The following CACNA2D3 variants were observed in gnomAD, a reference collection of about 807,000 sequenced individuals.
The protein encoded by CACNA2D3 is voltage-dependent calcium channel subunit alpha-2/delta-3.
CACNA2D3 carries 60 observed loss-of-function variants against 160.6 expected under a neutral mutation model. The observed-to-expected ratio is 0.37, with a 90% confidence interval of 0.30 to 0.46. The LOEUF (loss-of-function observed/expected upper bound fraction) is 0.46, where lower values mean the gene tolerates loss of function less well. CACNA2D3 is among the 20% of genes least tolerant of loss of function. The pLI is 1.00. For missense variants in CACNA2D3, 1,205 were observed against 1,365.0 expected (o/e 0.88, Z 1.85); for synonymous variants, 558 against 492.9 (o/e 1.13, Z -1.75).
At chr3:54,782,908 A>T (rs1702561809) in intron 13 of CACNA2D3, among the ~76,000 whole-genome samples, 1 of 152,154 alleles carries the variant, frequency 6.6e-6, no homozygotes, top group African/African-American at 2.4e-5. Context: ...TAACTGGGGT[A>T]CTAAGAGCTG....
chr3:54,809,617 C>A lies in CACNA2D3; in HGVS notation c.1381-7236C>A, dbSNP rs184400712. 4.7e-3 allele frequency among the ~76,000 whole-genome samples: 653 copies of A among 140,044 alleles called. 59 individuals are homozygous for A. Among genetic ancestry groups the A allele is most frequent in the African/African-American group, 0.019 (571 of 30,744 alleles). The allele number at this position is 140,044 out of a possible 152,430, so 91.9% of individuals were successfully genotyped here. On this transcript the variant is annotated intron_variant, in intron 13 of 37. Coordinates refer to ENST00000474759, the MANE Select transcript of CACNA2D3 (RefSeq NM_018398.3). Reference sequence around the variant, plus strand: ...ACAGGCGTGAGCCACCGCGCCCGGCCCCTTCCTTCTTTCTTTCTTTCTTTC... The same window carrying A: ...ACAGGCGTGAGCCACCGCGCCCGGCACCTTCCTTCTTTCTTTCTTTCTTTC...
intron 17 of CACNA2D3, among the ~76,000 whole-genome samples, chr3:54,859,972 G>GCGCGCGCGCACACACA (rs535185040): frequency 4.6e-4 from 62 of 133,884 alleles, no homozygotes; most frequent in African/African-American, 1.6e-3. Flanking sequence ...GAAAGTAGAT[G>GCGCGCGCGCACACACA]CACACACACA....
intron 2 of CACNA2D3, among the ~76,000 whole-genome samples, chr3:54,156,857 T>C (rs1203256844): frequency 2.0e-5 from 3 of 152,256 alleles, no homozygotes; most frequent in African/African-American, 7.2e-5. Context: ...ACTGCTCAGC[T>C]GAGCCCTTCC....
intron 4 of CACNA2D3, among the ~76,000 whole-genome samples, chr3:54,437,437 C>T (rs1337272761): frequency 2.0e-5 from 3 of 152,136 alleles, no homozygotes; most frequent in East Asian, 3.8e-4. Context: ...GGGTATTTTC[C>T]CGTGTGTTGT....
At chr3:55,065,541 C>T (rs951623375) in intron 35 of CACNA2D3, among the ~76,000 whole-genome samples, 2 of 152,110 alleles carry the variant, frequency 1.3e-5, no homozygotes, top group East Asian at 1.9e-4. Flanking sequence ...GGGTCATGCT[C>T]CTGTGGTCCC....
intron 9 of CACNA2D3, among the ~76,000 whole-genome samples, chr3:54,615,157 A>C (rs2106794468): frequency 6.6e-6 from 1 of 152,350 alleles, no homozygotes; most frequent in South Asian, 2.1e-4. Context: ...AAGAGAGATG[A>C]TGAAATTAAA....
chr3:54,802,177 G>A (rs954543146), intron 13 of CACNA2D3, among the ~76,000 whole-genome samples: 2 of 152,106 alleles, frequency 1.3e-5, no homozygotes, highest in East Asian at 3.9e-4. Flanking sequence ...CATGCAACTG[G>A]GAGAGGTCAC....
At chr3:54,582,547 A>G (rs1249415380) in intron 9 of CACNA2D3, among the ~76,000 whole-genome samples, 1 of 151,982 alleles carries the variant, frequency 6.6e-6, no homozygotes, top group African/African-American at 2.4e-5. Context: ...CCACTATACC[A>G]CCCCTGCAGG....
rs542936643 is a variant in CACNA2D3, at chr3:54,424,625, G to A, written c.381+37851G>A. ...AGATGCTGAGCTGCAGATGGAGCCA[G>A]GACCTGGGGGTGGGCTCTGTACTCT... On this transcript the variant is annotated intron_variant, in intron 4 of 37. Coordinates refer to ENST00000474759, the MANE Select transcript of CACNA2D3 (RefSeq NM_018398.3). Among the ~76,000 whole-genome samples the A allele has an allele frequency of 4.0e-5, 6 of 151,452 alleles. No homozygotes were observed. In the East Asian group the frequency reaches 1.2e-3, roughly 30 times the overall value.
rs371018114 is a variant in CACNA2D3 at position 54,320,608 on chromosome 3, C to T, written c.321+50C>T. ...GTATCGCCTGAAGGCACAAAGGCAG[C>T]TTCAGGGGATGGCATTGATGAACCA... On this transcript the variant is annotated intron_variant, in intron 3 of 37. Coordinates refer to ENST00000474759, the MANE Select transcript of CACNA2D3 (RefSeq NM_018398.3). 601 of 942,474 alleles carry T rather than the reference C, an allele frequency of 6.4e-4. 3 individuals carry two copies. Among genetic ancestry groups the T allele is most frequent in the Non-Finnish European group, 8.9e-4 (567 of 634,580 alleles). 58.4% of individuals were successfully genotyped at this position (942,474 alleles called of 1,614,324 possible).
intron 2 of CACNA2D3, among the ~76,000 whole-genome samples, chr3:54,221,779 A>G (rs1195943699): frequency 6.6e-6 from 1 of 152,326 alleles, no homozygotes; most frequent in African/African-American, 2.4e-5. Context: ...ATGCTATGCA[A>G]ATAGTTGATA....
At chr3:54,227,340 T>G (rs966155969) in intron 2 of CACNA2D3, among the ~76,000 whole-genome samples, 4 of 152,130 alleles carry the variant, frequency 2.6e-5, no homozygotes, top group African/African-American at 9.7e-5. Flanking sequence ...TAGGCCACAT[T>G]TAGTAGCCTC....
chr3:54,861,644 G>C (rs1380040978), intron 17 of CACNA2D3, among the ~76,000 whole-genome samples: 8 of 152,228 alleles, frequency 5.3e-5, no homozygotes, highest in Admixed American at 5.2e-4. Flanking sequence ...GGGGATGCCT[G>C]CTTGTTATCA....
At chr3:54,204,523 A>G (rs990443567) in intron 2 of CACNA2D3, among the ~76,000 whole-genome samples, 2 of 152,130 alleles carry the variant, frequency 1.3e-5, no homozygotes, top group Non-Finnish European at 2.9e-5. Flanking sequence ...GGGGCCAGGC[A>G]CGGTGGCTCA....
chr3:54,867,503 C>G (rs1289995746), intron 17 of CACNA2D3, among the ~76,000 whole-genome samples: 4 of 134,158 alleles, frequency 3.0e-5, no homozygotes, highest in African/African-American at 1.1e-4. Flanking sequence ...GTTGACTACT[C>G]AATGCTTAAG....
chr3:54,944,588 T>A (rs1005633198), intron 27 of CACNA2D3, among the ~76,000 whole-genome samples: 88 of 151,952 alleles, frequency 5.8e-4, no homozygotes, highest in African/African-American at 2.0e-3. Context: ...GCCTGGCTAA[T>A]TTTTTTGTAT....
intron 25 of CACNA2D3, among the ~76,000 whole-genome samples, chr3:54,893,539 C>G (rs1700117584): frequency 6.6e-6 from 1 of 152,166 alleles, no homozygotes. Context: ...TGGATACACT[C>G]TCTAAGCCAG....
At chr3:54,445,276 A>G (rs1700203641) in intron 4 of CACNA2D3, among the ~76,000 whole-genome samples, 1 of 152,228 alleles carries the variant, frequency 6.6e-6, no homozygotes, top group South Asian at 2.1e-4. Context: ...TTGGAAACGA[A>G]CCATCTCATT....
At position 54,265,676 on chromosome 3, in the gene CACNA2D3, G is replaced by A. The variant is rs992391818; in HGVS notation, c.205-54766G>A. Among the ~76,000 whole-genome samples the A allele has an allele frequency of 1.8e-3, 234 of 128,042 alleles. 2 individuals are homozygous for A. Among genetic ancestry groups the A allele is most frequent in the African/African-American group, 4.6e-3 (175 of 37,848 alleles). The allele number at this position is 128,042 out of a possible 152,430, so 84.0% of individuals were successfully genotyped here. A position where few individuals can be genotyped will look rare whatever the true frequency, so the allele number is the denominator to read the frequency against. On this transcript the variant is annotated intron_variant, in intron 2 of 37. Coordinates refer to ENST00000474759, the MANE Select transcript of CACNA2D3 (RefSeq NM_018398.3). ...TATATAGTGTATATATATAGTGTGT[G>A]TATATATATATAGTGTGGGTATATA...
Sources: allele counts gnomAD v4.1 joint callset (sites outside exome capture counted in the v4.1 genomes callset), GRCh38; gene constraint gnomAD v4.1.1; transcripts MANE v1.5; gene names NCBI Gene and HGNC (gene_info 2026-07-23, HGNC 2026-07-21).